Variants in SLC37A2 observed in about 807,000 individuals in gnomAD.
SLC37A2 encodes glucose-6-phosphate exchanger SLC37A2.
A neutral mutation model predicts 70.7 loss-of-function variants in SLC37A2; 59 were observed. The ratio of observed to expected loss-of-function variants is 0.83; its 90% CI spans 0.68 to 1.04. The LOEUF is 1.04. Among genes scored for constraint, SLC37A2 ranks in the 50% least tolerant of loss-of-function variants. The pLI, the probability that SLC37A2 is intolerant of heterozygous loss-of-function variation, is 0.00. For synonymous variants in SLC37A2, 257 were observed against 262.1 expected, an observed-to-expected ratio of 0.98 and a Z score of 0.19; for missense variants, 580 against 658.1, an observed-to-expected ratio of 0.88 and a Z score of 1.30.
At chr11:125,084,401 C>A in intron 12 of SLC37A2, 82 bp downstream of exon 12, 1 of 1,340,688 alleles carries the variant, frequency 7.5e-7, no homozygotes, top group Non-Finnish European at 1.1e-6. Context: ...CACGTCCACG[C>A]GTTACACACA....
chr11:125,085,814 TC>T, intron 16 of SLC37A2, 139 bp from the exon 17 acceptor site: 1 of 1,225,606 alleles, frequency 8.2e-7, no homozygotes, highest in Non-Finnish European at 1.2e-6. Flanking sequence ...GCACTCTCCC[TC>T]CCCCGAGTGA....
chr11:125,064,122 T>A (rs116757193), intron 1 of SLC37A2, among the ~76,000 whole-genome samples: 2,248 of 152,344 alleles, frequency 0.015, 55 homozygotes, highest in African/African-American at 0.051. Flanking sequence ...GCACAGTTTT[T>A]AAAATATTGT....
rs181697502 is a variant in SLC37A2, at chr11:125,072,198, A to G, written c.60-4559A>G. On this transcript the variant is annotated intron_variant, in intron 1 of 17. Transcript: ENST00000403796. ...TTCTAATCTGTCACTGCTTTGGGACATGCCATTTCTTGATTTTTACCCCAG... is the reference window on the plus strand; with the variant it reads ...TTCTAATCTGTCACTGCTTTGGGACGTGCCATTTCTTGATTTTTACCCCAG... 2.7e-4 allele frequency among the ~76,000 whole-genome samples: 41 copies of G among 152,304 alleles called. No individual in the cohort carries two copies. In the East Asian group the frequency reaches 6.0e-3, roughly 22 times the overall value.
At chr11:125,068,155 C>A (rs573268660) in intron 1 of SLC37A2, among the ~76,000 whole-genome samples, 6 of 152,294 alleles carry the variant, frequency 3.9e-5, no homozygotes, top group Admixed American at 2.6e-4. Context: ...CTACGGTATT[C>A]CCCAACATCT....
rs1173849354 is a variant in SLC37A2 at position 125,083,862 on chromosome 11, G to T, written c.1024G>T (p.Val342Phe). The change falls in exon 11 of 18, where the codon GTT becomes TTT. Residue 342 changes from valine (V) to phenylalanine (F), a missense_variant. Transcript: ENST00000403796. This position sits in a 1 kb window ranked among gnomAD's most constrained non-coding sequence, Gnocchi z 4.6. ...EAGDLSTLFDVGGIIGGIVAG... is the reference protein window; with the variant it reads ...EAGDLSTLFDFGGIIGGIVAG... ...TGGGGACCTGTCTACACTCTTCGATGTTGGTGGCATCATAGGTGAGGCCTT... is the reference window on the plus strand; with the variant it reads ...TGGGGACCTGTCTACACTCTTCGATTTTGGTGGCATCATAGGTGAGGCCTT... 1 of 1,614,092 alleles carries T rather than the reference G, an allele frequency of 6.2e-7. No homozygotes were observed. The highest frequency in any genetic ancestry group is 8.5e-7 in the Non-Finnish European group (1 of 1,180,040).
In SLC37A2 at chr11:125,084,310, T is replaced by C; in HGVS notation, c.1116T>C (p.Ala372=). The C allele has an allele frequency of 6.2e-7, 1 of 1,614,236 alleles. No homozygotes were observed. Among genetic ancestry groups the C allele is most frequent in the Non-Finnish European group, 8.5e-7 (1 of 1,180,034 alleles). Residue 372 remains alanine (A), a synonymous_variant, in exon 12 of 18, where the codon GCT becomes GCC. Transcript: ENST00000403796. ...CTTGCTGTGTCATGCTCATCTTGGC[T>C]GCCCCCATGGTGCGTATAACCCCGA... is the stretch of plus-strand genomic sequence containing the variant. ...ATTCCVMLIL[A]APMMFLYNYI...
At chr11:125,077,094 G>T in intron 2 of SLC37A2, 136 bp from the exon 3 acceptor site, 1 of 786,608 alleles carries the variant, frequency 1.3e-6, no homozygotes. Flanking sequence ...CCTGCAGCCA[G>T]TTCCTGCAGG....
At position 125,081,909 on chromosome 11, in the gene SLC37A2, A is replaced by G; in HGVS notation, c.885+3A>G. ...TCTTTGGGGCGCTCCGGATCCCAGT[A>G]AGAAGTTTGTGGAATGGAGGAAAGA... is the stretch of plus-strand genomic sequence containing the variant. On this transcript the variant is annotated splice_donor_region_variant and intron_variant, in intron 9 of 17. Transcript: ENST00000403796. 1.3e-6 allele frequency: 2 copies of G among 1,599,774 alleles called. No homozygotes were observed. The highest frequency in any genetic ancestry group is 1.7e-4 in the Middle Eastern group (1 of 5,976).
At chr11:125,079,085 C>T in intron 4 of SLC37A2, 27 bp from the exon 5 acceptor site, 2 of 1,613,866 alleles carry the variant, frequency 1.2e-6, no homozygotes, top group Non-Finnish European at 1.7e-6. Flanking sequence ...AGGAGCTTAA[C>T]CGCAGATCCA....
At position 125,089,420 on chromosome 11, in the gene SLC37A2, C is replaced by G. The variant is rs143191736; in HGVS notation, c.*1286C>G. On this transcript the variant is annotated 3_prime_UTR_variant, in exon 18 of 18. Coordinates refer to ENST00000403796, the MANE Select transcript of SLC37A2 (RefSeq NM_001145290.2). ...GCACTTGAGGAGCCCTTCAGCCCAC[C>G]GCTGCACTGTGGGGAGCCCCTTTCT... The G allele has an allele frequency of 4.2e-4, 65 of 154,950 alleles. 1 individual carries two copies. The East Asian group carries it at 0.011, about 27-fold the overall frequency. 9.6% of individuals were successfully genotyped at this position (154,950 alleles called of 1,614,324 possible).
At position 125,080,790 on chromosome 11, in the gene SLC37A2, C is replaced by A; in HGVS notation, c.694+10C>A. 6.9e-7 allele frequency: 1 copy of A among 1,444,870 alleles called. No homozygotes were observed. Among genetic ancestry groups the A allele is most frequent in the Non-Finnish European group, 9.2e-7 (1 of 1,089,388 alleles). The allele number at this position is 1,444,870 out of a possible 1,614,324, so 89.5% of individuals were successfully genotyped here. On this transcript the variant is annotated intron_variant, in intron 7 of 17. Coordinates refer to ENST00000403796, the MANE Select transcript of SLC37A2 (RefSeq NM_001145290.2). This position sits in a 1 kb window ranked among gnomAD's most constrained non-coding sequence, Gnocchi z 4.3. ...CTCTTCCTCATCGAACGTGAGTGGGCCCCTCACTCCCCACAAGTGAGCCTA... is the reference window on the plus strand; with the variant it reads ...CTCTTCCTCATCGAACGTGAGTGGGACCCTCACTCCCCACAAGTGAGCCTA...
In SLC37A2 at chr11:125,084,336, G is replaced by A; in HGVS notation, c.1125+17G>A. On this transcript the variant is annotated intron_variant, in intron 12 of 17. Coordinates refer to ENST00000403796, the MANE Select transcript of SLC37A2 (RefSeq NM_001145290.2). The stretch of plus-strand genomic sequence containing the variant: ...GCCCCCATGGTGCGTATAACCCCGA[G>A]GGTGAAGTGCGAATGCATGTGAGCA... The A allele has an allele frequency of 1.2e-6, 2 of 1,613,848 alleles. No homozygotes were observed. The highest frequency in any genetic ancestry group is 2.2e-5 in the South Asian group (2 of 91,052).
At position 125,088,272 on chromosome 11, in the gene SLC37A2, C is replaced by T. The variant is rs1031898970; in HGVS notation, c.*138C>T. On this transcript the variant is annotated 3_prime_UTR_variant, in exon 18 of 18. Transcript: ENST00000403796. ...ACATTAGCCAGCCCAGCCCAGACCC[C>T]AGGGCTGCCTAAGGACACAGAGATT... 5 of 962,104 alleles carry T rather than the reference C, an allele frequency of 5.2e-6. No homozygotes were observed. Among genetic ancestry groups the T allele is most frequent in the Non-Finnish European group, 7.8e-6 (5 of 637,134 alleles). 59.6% of individuals were successfully genotyped at this position (962,104 alleles called of 1,614,324 possible).
chr11:125,080,604 T>C lies in SLC37A2; in HGVS notation c.528-10T>C. On this transcript the variant is annotated splice_polypyrimidine_tract_variant and intron_variant, in intron 6 of 17. Transcript: ENST00000403796. The surrounding 1 kb of genome is among the most constrained non-coding windows in gnomAD (Gnocchi z 4.3). Reference sequence around the variant, plus strand: ...TTTTATACCTCTTCCCTTCTCTCCCTCCCTTCCAGGCGGGGGTTCATCATG... The same window carrying C: ...TTTTATACCTCTTCCCTTCTCTCCCCCCCTTCCAGGCGGGGGTTCATCATG... 6.8e-7 allele frequency: 1 copy of C among 1,478,854 alleles called. No homozygotes were observed. The highest frequency in any genetic ancestry group is 9.0e-7 in the Non-Finnish European group (1 of 1,108,068). 91.6% of individuals were successfully genotyped at this position (1,478,854 alleles called of 1,614,324 possible).
At chr11:125,071,284 A>G (rs1210805551) in intron 1 of SLC37A2, among the ~76,000 whole-genome samples, 16 of 152,192 alleles carry the variant, frequency 1.1e-4, no homozygotes, top group Admixed American at 9.8e-4. Flanking sequence ...CGCTTCCATC[A>G]GTGCTATTTA....
At position 125,085,941 on chromosome 11, in the gene SLC37A2, T is replaced by C. The variant is rs1353409276; in HGVS notation, c.1426-13T>C. 2 of 1,613,440 alleles carry C rather than the reference T, an allele frequency of 1.2e-6. No homozygotes were observed. The highest frequency in any genetic ancestry group is 2.2e-5 in the South Asian group (2 of 91,080). ...CAGTGCCCTCCCTTCCCTCTGTGCCTTGTGCTCCACAGCTCCTTTGCCGGT... is the reference window on the plus strand; with the variant it reads ...CAGTGCCCTCCCTTCCCTCTGTGCCCTGTGCTCCACAGCTCCTTTGCCGGT... On this transcript the variant is annotated splice_polypyrimidine_tract_variant and intron_variant, in intron 16 of 17. Coordinates refer to ENST00000403796, the MANE Select transcript of SLC37A2 (RefSeq NM_001145290.2).
intron 1 of SLC37A2, among the ~76,000 whole-genome samples, chr11:125,069,830 C>T (rs896609748): frequency 3.3e-5 from 5 of 152,262 alleles, no homozygotes; most frequent in Non-Finnish European, 5.9e-5. Flanking sequence ...AGATGTTGCT[C>T]TCCTCCTCCT....
intron 1 of SLC37A2, among the ~76,000 whole-genome samples, chr11:125,073,081 G>A (rs1781210309): frequency 1.3e-5 from 2 of 152,216 alleles, no homozygotes; most frequent in South Asian, 4.1e-4. Context: ...ATTTCAGGGA[G>A]TTGGGGTCAG....
intron 1 of SLC37A2, 78 bp from the exon 2 acceptor site, chr11:125,076,679 C>T (rs1420289598): frequency 7.5e-7 from 1 of 1,337,022 alleles, no homozygotes; most frequent in South Asian, 1.2e-5. Context: ...CCAGAGGGGA[C>T]ACGGGTCAGG....
Sources: gnomAD v4.1 joint callset for allele counts (sites outside exome capture counted in the v4.1 genomes callset) on GRCh38, gnomAD v4.1.1 for gene constraint, Gnocchi (gnomAD v3.1) non-coding constraint, MANE v1.5 for transcripts, NCBI Gene and HGNC (gene_info 2026-07-23, HGNC 2026-07-21) for gene names.